Variants in KDM4C observed in about 807,000 individuals in gnomAD.
KDM4C encodes lysine demethylase 4C, also known as lysine-specific demethylase 4C.
A neutral mutation model predicts 129.3 loss-of-function variants in KDM4C; 81 were observed. The observed-to-expected ratio is 0.63, with a 90% CI of 0.52 to 0.75. The LOEUF (loss-of-function observed/expected upper bound fraction) is 0.75, where lower values mean the gene tolerates loss of function less well. Ranked by LOEUF, KDM4C falls within the 30% of genes least tolerant of loss-of-function variation. KDM4C has a pLI of 0.00. For synonymous variants in KDM4C, 573 were observed against 456.1 expected (o/e 1.26, Z -3.26); for missense variants, 1,457 against 1,304.0 (o/e 1.12, Z -1.81).
chr9:6,748,173 AAAC>A (rs147602475), intron 1 of KDM4C, among the ~76,000 whole-genome samples: 40,195 of 146,892 alleles, frequency 0.27, 5,706 homozygotes, highest in East Asian at 0.4. Flanking sequence ...CTCAAAAAAA[AAAC>A]AAACAAACAA....
At chr9:6,844,705 TGAGA>T in intron 4 of KDM4C, among the ~76,000 whole-genome samples, 1 of 152,326 alleles carries the variant, frequency 6.6e-6, no homozygotes, top group Admixed American at 6.5e-5. Flanking sequence ...TCTTTTTTTT[TGAGA>T]TGGAGTCTCG....
At chr9:6,879,611 A>G (rs1844129176) in intron 5 of KDM4C, among the ~76,000 whole-genome samples, 1 of 152,216 alleles carries the variant, frequency 6.6e-6, no homozygotes, top group African/African-American at 2.4e-5. Context: ...TCTTAAAAAC[A>G]AAAGCCAAAA....
intron 12 of KDM4C, among the ~76,000 whole-genome samples, chr9:6,996,205 T>C (rs906559409): frequency 6.6e-6 from 1 of 152,200 alleles, no homozygotes; most frequent in Non-Finnish European, 1.5e-5. Context: ...ATGGCAAGCT[T>C]CTTCTCACTA....
At chr9:6,779,151 C>T (rs1823764190) in intron 1 of KDM4C, among the ~76,000 whole-genome samples, 2 of 151,234 alleles carry the variant, frequency 1.3e-5, no homozygotes, top group South Asian at 4.2e-4. Flanking sequence ...GCCTCAGCCT[C>T]CCGAGTAGCT....
At chr9:6,853,871 A>G (rs1044280856) in intron 5 of KDM4C, among the ~76,000 whole-genome samples, 1 of 152,186 alleles carries the variant, frequency 6.6e-6, no homozygotes, top group Admixed American at 6.5e-5. Context: ...TCCTTTCATC[A>G]TGAGTTTCTT....
At chr9:7,075,239 T>C (rs1410290807) in intron 17 of KDM4C, among the ~76,000 whole-genome samples, 1 of 152,210 alleles carries the variant, frequency 6.6e-6, no homozygotes, top group African/African-American at 2.4e-5. Flanking sequence ...TAATCCATTC[T>C]GTCTATGCTC....
intron 4 of KDM4C, among the ~76,000 whole-genome samples, chr9:6,847,241 A>G (rs1024705338): frequency 2.0e-5 from 3 of 152,302 alleles, no homozygotes; most frequent in East Asian, 3.9e-4. Flanking sequence ...TTCACTAATG[A>G]CTTTTAAATA....
intron 18 of KDM4C, among the ~76,000 whole-genome samples, chr9:7,111,879 G>C (rs892064355): frequency 1.3e-5 from 2 of 152,076 alleles, no homozygotes; most frequent in African/African-American, 4.8e-5. Flanking sequence ...GGCTAAACAA[G>C]GATCTGTTTT....
intron 17 of KDM4C, among the ~76,000 whole-genome samples, chr9:7,078,233 A>C (rs1402621810): frequency 1.3e-5 from 2 of 152,194 alleles, no homozygotes; most frequent in Non-Finnish European, 2.9e-5. Context: ...TTTCTGTAGG[A>C]ACTTTTTTAT....
chr9:6,771,912 A>C (rs1242494005), intron 1 of KDM4C, among the ~76,000 whole-genome samples: 1 of 152,088 alleles, frequency 6.6e-6, no homozygotes, highest in Non-Finnish European at 1.5e-5. Context: ...TGGGAGACTC[A>C]AGTAGCTCTT....
At chr9:6,782,437 A>G (rs1477143987) in intron 1 of KDM4C, among the ~76,000 whole-genome samples, 2 of 152,228 alleles carry the variant, frequency 1.3e-5, no homozygotes, top group African/African-American at 2.4e-5. Flanking sequence ...ATTCTCTGTC[A>G]TTAGTGAAAT....
At chr9:6,770,198 A>C (rs1337978168) in intron 1 of KDM4C, among the ~76,000 whole-genome samples, 1 of 150,588 alleles carries the variant, frequency 6.6e-6, no homozygotes, top group Non-Finnish European at 1.5e-5. Flanking sequence ...AAAACAAAAC[A>C]AACAAACAAA....
At chr9:6,871,262 C>G (rs534488610) in intron 5 of KDM4C, among the ~76,000 whole-genome samples, 77 of 152,302 alleles carry the variant, frequency 5.1e-4, no homozygotes, top group South Asian at 1.5e-3. Context: ...GATTTACTTA[C>G]TATTATTGTG....
At chr9:6,821,917 G>A (rs1833098370) in intron 4 of KDM4C, among the ~76,000 whole-genome samples, 1 of 152,188 alleles carries the variant, frequency 6.6e-6, no homozygotes, top group South Asian at 2.1e-4. Context: ...TTATAGGCGT[G>A]AGCTGCTGTG....
chr9:6,963,250 C>T (rs1463964363), intron 8 of KDM4C, among the ~76,000 whole-genome samples: 2 of 152,128 alleles, frequency 1.3e-5, no homozygotes, highest in East Asian at 1.9e-4. Context: ...TAAAAAAATA[C>T]TAGACAAATG....
intron 17 of KDM4C, among the ~76,000 whole-genome samples, chr9:7,073,665 C>T (rs1833517466): frequency 1.3e-5 from 2 of 152,182 alleles, no homozygotes; most frequent in Admixed American, 6.5e-5. Context: ...TGTGATAAAA[C>T]TATATCTGCA....
At chr9:7,061,070 G>A (rs773083403) in intron 17 of KDM4C, among the ~76,000 whole-genome samples, 1 of 151,986 alleles carries the variant, frequency 6.6e-6, no homozygotes, top group African/African-American at 2.4e-5. Context: ...TTGTTTTTTA[G>A]TCTCAAGCAT....
intron 17 of KDM4C, among the ~76,000 whole-genome samples, chr9:7,091,437 T>G (rs1835789232): frequency 6.6e-6 from 1 of 152,172 alleles, no homozygotes; most frequent in Non-Finnish European, 1.5e-5. Flanking sequence ...TTAAAATCAT[T>G]TAAAGAAAGA....
intron 5 of KDM4C, among the ~76,000 whole-genome samples, chr9:6,854,490 A>G (rs1039479332): frequency 2.2e-4 from 31 of 138,992 alleles, no homozygotes; most frequent in African/African-American, 8.1e-4. Context: ...GCGCCATTGC[A>G]CTCCAGCCTG....
Sources: gnomAD v4.1 joint callset for allele counts (sites outside exome capture counted in the v4.1 genomes callset) on GRCh38, gnomAD v4.1.1 for gene constraint, MANE v1.5 for transcripts, NCBI Gene and HGNC (gene_info 2026-07-23, HGNC 2026-07-21) for gene names.